The following RIPK1 variants were observed in gnomAD, a reference collection of about 807,000 sequenced individuals.
RIPK1 encodes the protein receptor interacting serine/threonine kinase 1, also known as receptor-interacting serine/threonine-protein kinase 1.
Under a neutral mutation model 62.4 loss-of-function variants are expected in RIPK1, and 27 were observed. The ratio of observed to expected loss-of-function variants is 0.43; its 90% CI spans 0.32 to 0.60. The LOEUF is 0.60. RIPK1 is among the 20% of genes least tolerant of loss of function. RIPK1 has a pLI of 0.07. For synonymous variants in RIPK1, 287 were observed against 303.2 expected (o/e 0.95, Z 0.55); for missense variants, 735 against 831.0 (o/e 0.88, Z 1.42).
chr6:3,112,808 G>A (rs973295349), intron 10 of RIPK1, among the ~76,000 whole-genome samples: 8 of 152,172 alleles, frequency 5.3e-5, no homozygotes, highest in African/African-American at 9.7e-5. Context: ...CAAAGTGTTG[G>A]GATTATAGGC....
At chr6:3,073,631 T>C (rs984408355) in intron 1 of RIPK1, among the ~76,000 whole-genome samples, 3 of 152,148 alleles carry the variant, frequency 2.0e-5, no homozygotes, top group Non-Finnish European at 2.9e-5. Flanking sequence ...TAATGTCTTA[T>C]GTCCTAGGAA....
chr6:3,071,101 T>A (rs1581374066), intron 1 of RIPK1, among the ~76,000 whole-genome samples: 1 of 152,356 alleles, frequency 6.6e-6, no homozygotes, highest in East Asian at 1.9e-4. Flanking sequence ...AGAGCTTTTG[T>A]TTATCCAGGC....
rs115701495 is a variant in RIPK1, at chr6:3,072,634, T to G, written c.-61+3973T>G. 0.025 allele frequency among the ~76,000 whole-genome samples: 3,850 copies of G among 152,268 alleles called. 81 individuals carry two copies. Among genetic ancestry groups the G allele is most frequent in the Middle Eastern group, 0.068 (20 of 294 alleles). Reference sequence around the variant, plus strand: ...TCTGGAGATGGTGCACAAGACAAGTTTCCTGCCTTCTGTGAACTTCATGAG... The same window carrying G: ...TCTGGAGATGGTGCACAAGACAAGTGTCCTGCCTTCTGTGAACTTCATGAG... On this transcript the variant is annotated intron_variant, in intron 1 of 10. Transcript: ENST00000259808. The surrounding 1 kb of genome is among the most constrained non-coding windows in gnomAD (Gnocchi z 5.6).
intron 7 of RIPK1, among the ~76,000 whole-genome samples, chr6:3,096,990 C>T (rs1295271548): frequency 2.0e-5 from 3 of 152,144 alleles, no homozygotes; most frequent in South Asian, 4.1e-4. Context: ...CCTACCTCAG[C>T]CTCCCGAGTA....
intron 7 of RIPK1, among the ~76,000 whole-genome samples, chr6:3,098,708 T>G (rs766300552): frequency 1.3e-5 from 2 of 152,148 alleles, no homozygotes; most frequent in Non-Finnish European, 2.9e-5. Context: ...GCAAGGATAA[T>G]CAAATAGATT....
At position 3,085,421 on chromosome 6, in the gene RIPK1, T is replaced by C. The variant is rs1318436931; in HGVS notation, c.838+13T>C. The C allele has an allele frequency of 6.2e-7, 1 of 1,613,922 alleles. No homozygotes were observed. The highest frequency in any genetic ancestry group is 1.3e-5 in the African/African-American group (1 of 74,914). On this transcript the variant is annotated intron_variant, in intron 6 of 10. Transcript: ENST00000259808. ...CCGACATTTCCTGGTAAGAGCATCT[T>C]TTCTGACTGTGTAGGATGCATCCTG...
upstream of RIPK1, among the ~76,000 whole-genome samples, chr6:3,064,985 G>C (rs902646461): frequency 6.6e-6 from 1 of 152,124 alleles, no homozygotes; most frequent in African/African-American, 2.4e-5. Flanking sequence ...GCTCACGCCT[G>C]TAATCCCAGC....
In RIPK1 at chr6:3,105,275, C is replaced by T. The variant is rs923087781; in HGVS notation, c.1007-207C>T. ...CTTTTCTCTTGCTTGCTATAATTTT[C>T]CTAGTACTCTCTTACTGCCAGCGAG... On this transcript the variant is annotated intron_variant, in intron 8 of 10. Coordinates refer to ENST00000259808, the MANE Select transcript of RIPK1 (RefSeq NM_001354930.2). This position sits in a 1 kb window ranked among gnomAD's most constrained non-coding sequence, Gnocchi z 4.5. Among the ~76,000 whole-genome samples, 1 of 152,060 alleles carries T rather than the reference C, an allele frequency of 6.6e-6. No homozygotes were observed. Among genetic ancestry groups the T allele is most frequent in the African/African-American group, 2.4e-5 (1 of 41,412 alleles).
chr6:3,102,006 G>A (rs1005422009), intron 7 of RIPK1, among the ~76,000 whole-genome samples: 1 of 152,116 alleles, frequency 6.6e-6, no homozygotes, highest in African/African-American at 2.4e-5. Flanking sequence ...CTGAATTCTA[G>A]GTAGCTCCTA....
At chr6:3,098,374 C>T (rs1019776709) in intron 7 of RIPK1, among the ~76,000 whole-genome samples, 2 of 152,104 alleles carry the variant, frequency 1.3e-5, no homozygotes, top group African/African-American at 2.4e-5. Context: ...CAAAAAAGTG[C>T]ACAACTTTAC....
chr6:3,073,872 G>T (rs1386289500), intron 1 of RIPK1, among the ~76,000 whole-genome samples: 3 of 152,142 alleles, frequency 2.0e-5, no homozygotes, highest in Non-Finnish European at 4.4e-5. Context: ...AAGTCTGAAG[G>T]TTACGTCCAC....
chr6:3,081,860 TAAAAAAAAAAAAAAAAAAAAAAAAAAAA>T (rs58330257), intron 4 of RIPK1, among the ~76,000 whole-genome samples: 477 of 22,886 alleles, frequency 0.021, 5 homozygotes, highest in African/African-American at 0.05. Flanking sequence ...AACTCTGCCT[TAAAAAAAAAAAAAAAAAAAAAAAAAAAA>T]AAAAAAAAAA....
rs1191536302 is a variant in RIPK1, at chr6:3,114,870, G to A, written c.*1531G>A. The A allele has an allele frequency of 6.7e-6, 1 of 149,750 alleles. No individual in the cohort carries two copies. Among genetic ancestry groups the A allele is most frequent in the Non-Finnish European group, 1.5e-5 (1 of 67,466 alleles). The allele number at this position is 149,750 out of a possible 1,614,324, so 9.3% of individuals were successfully genotyped here. A position where few individuals can be genotyped will look rare whatever the true frequency, so the allele number is the denominator to read the frequency against. ...CAATAGTCTCTAAACATTGTCAAATGGTCCAAGGAAAGGGGAAAATTGCCC... is the reference window on the plus strand; with the variant it reads ...CAATAGTCTCTAAACATTGTCAAATAGTCCAAGGAAAGGGGAAAATTGCCC... On this transcript the variant is annotated 3_prime_UTR_variant, in exon 11 of 11. Coordinates refer to ENST00000259808, the MANE Select transcript of RIPK1 (RefSeq NM_001354930.2). This position sits in a 1 kb window ranked among gnomAD's most constrained non-coding sequence, Gnocchi z 5.0.
At position 3,105,892 on chromosome 6, in the gene RIPK1, G is replaced by A. The variant is rs1760824433; in HGVS notation, c.1417G>A (p.Gly473Ser). ...GAACAATGGATTATATAGCTCACATGGCTTTGGAACAAGACCACTGGATCC... is the reference window on the plus strand; with the variant it reads ...GAACAATGGATTATATAGCTCACATAGCTTTGGAACAAGACCACTGGATCC... ...YQNNGLYSSH[G>S]FGTRPLDPGT... The change falls in exon 9 of 11, where the codon GGC becomes AGC. Residue 473 changes from glycine to serine, a missense_variant. Physicochemically the swap from Gly to Ser is moderately conservative, Grantham distance 56. Around this residue, in one of 2 missense-constraint regions of RIPK1, gnomAD observed 671 missense variants for 726.2 expected, o/e 0.92. Transcript: ENST00000259808. This position sits in a 1 kb window ranked among gnomAD's most constrained non-coding sequence, Gnocchi z 4.5. 2 of 1,614,160 alleles carry A rather than the reference G, an allele frequency of 1.2e-6. No individual in the cohort carries two copies. Among genetic ancestry groups the A allele is most frequent in the East Asian group, 2.2e-5 (1 of 44,888 alleles).
intron 1 of RIPK1, among the ~76,000 whole-genome samples, chr6:3,069,454 A>ATGCGGGGGT (rs1196390859): frequency 6.9e-6 from 1 of 145,802 alleles, no homozygotes; most frequent in Admixed American, 6.8e-5. Flanking sequence ...CCTCACAGGG[A>ATGCGGGGGT]TGCGGGGGTT....
chr6:3,106,014 TAC>T lies in RIPK1; in HGVS notation c.1542_1543del (p.Pro515HisfsTer12). 6.2e-7 allele frequency: 1 copy of T among 1,612,212 alleles called. No homozygotes were observed. The highest frequency in any genetic ancestry group is 8.5e-7 in the Non-Finnish European group (1 of 1,178,380). ...TGCCTGAGACCAACTATCTAGGAAA[TAC>T]ACCCACCATGCCATTCAGCTCCTTG... is the stretch of plus-strand genomic sequence containing the variant. The part of the protein sequence containing the change: ...PVPETNYLGN[T>X]PTMPFSSLPP... On this transcript the variant is annotated frameshift_variant, in exon 9 of 11. Transcript: ENST00000259808. LOFTEE classifies it high-confidence loss of function.
chr6:3,078,055 T>C, intron 3 of RIPK1, 120 bp downstream of exon 3: 1 of 963,048 alleles, frequency 1.0e-6, no homozygotes, highest in South Asian at 1.7e-5. Flanking sequence ...TGCTTGGTAG[T>C]TTGAATTTTC....
At chr6:3,068,011 T>A (rs978010467), upstream of RIPK1, 5 of 176,302 alleles carry the variant, frequency 2.8e-5, no homozygotes, top group South Asian at 7.5e-4. Flanking sequence ...CCCAAAGTGC[T>A]GGGATTACAG....
At position 3,072,963 on chromosome 6, in the gene RIPK1, CAG is replaced by C. The variant is rs1758812974; in HGVS notation, c.-60-3798_-60-3797del. 6.6e-6 allele frequency among the ~76,000 whole-genome samples: 1 copy of C among 152,134 alleles called. No homozygotes were observed. Among genetic ancestry groups the C allele is most frequent in the Non-Finnish European group, 1.5e-5 (1 of 68,022 alleles). ...GGATTGGTCAGTAGGGCCCTGCTGA[CAG>C]AGTGATCCCAGCTGAGAATGTTGGC... On this transcript the variant is annotated intron_variant, in intron 1 of 10. Transcript: ENST00000259808. The surrounding 1 kb of genome is among the most constrained non-coding windows in gnomAD (Gnocchi z 5.6).
Sources: gnomAD v4.1 joint callset for allele counts (sites outside exome capture counted in the v4.1 genomes callset) on GRCh38, gnomAD v4.1.1 for gene constraint, gnomAD v4.1.1 regional missense constraint, Gnocchi (gnomAD v3.1) non-coding constraint, MANE v1.5 for transcripts, NCBI Gene and HGNC (gene_info 2026-07-23, HGNC 2026-07-21) for gene names.